SVOP: variants seen among roughly 807,000 people sequenced by gnomAD.
SVOP encodes SV2 related protein.
Under a neutral mutation model 69.1 loss-of-function variants are expected in SVOP, and 17 were observed. The ratio of observed to expected loss-of-function variants is 0.25; its 90% CI spans 0.17 to 0.37. The LOEUF is 0.37. SVOP is among the 10% of genes least tolerant of loss of function. The probability of loss-of-function intolerance (pLI) is 1.00; values close to 1 mark genes in which losing one functional copy is unlikely to be tolerated. For synonymous variants in SVOP, 238 were observed against 238.6 expected (o/e 1.00, Z 0.02); for missense variants, 435 against 597.5 (o/e 0.73, Z 2.84).
chr12:109,006,594 G>A (rs915769345), intron 1 of SVOP, among the ~76,000 whole-genome samples: 2 of 152,134 alleles, frequency 1.3e-5, no homozygotes, highest in African/African-American at 4.8e-5. Flanking sequence ...AATGGGCAAG[G>A]CAGAGGCTGC....
At chr12:108,994,705 A>C (rs1007207931) in intron 1 of SVOP, among the ~76,000 whole-genome samples, 11 of 152,246 alleles carry the variant, frequency 7.2e-5, no homozygotes, top group Admixed American at 5.9e-4. Context: ...ATCTGACTTC[A>C]GAGTCTCCAG....
At position 108,914,844 on chromosome 12, in the gene SVOP, C is replaced by G. The variant is rs575606115; in HGVS notation, c.1440+939G>C. Among the ~76,000 whole-genome samples the G allele has an allele frequency of 1.2e-4, 18 of 151,020 alleles. No individual in the cohort carries two copies. The East Asian group carries it at 3.4e-3, about 28-fold the overall frequency. On this transcript the variant is annotated intron_variant, in intron 15 of 15. Transcript: ENST00000610966. ...AAGGGCTGGGATTACAGGCGTGAGA[C>G]ACAGCACCTGACCCTTCTTTCCTTT...
intron 6 of SVOP, among the ~76,000 whole-genome samples, chr12:108,957,632 C>T (rs140975626): frequency 4.5e-4 from 68 of 152,354 alleles, no homozygotes; most frequent in Non-Finnish European, 7.2e-4. Flanking sequence ...TAGGGCCACC[C>T]AGGTGATATA....
At chr12:108,923,820 G>A (rs2039764567) in intron 11 of SVOP, among the ~76,000 whole-genome samples, 1 of 152,050 alleles carries the variant, frequency 6.6e-6, no homozygotes, top group Non-Finnish European at 1.5e-5. Context: ...AGAGGTGATG[G>A]AAACAAGATC....
intron 1 of SVOP, among the ~76,000 whole-genome samples, chr12:108,987,184 G>A (rs1376163424): frequency 6.6e-6 from 1 of 152,130 alleles, no homozygotes; most frequent in African/African-American, 2.4e-5. Context: ...TCAGATAAGT[G>A]AAATCATACA....
intron 1 of SVOP, among the ~76,000 whole-genome samples, chr12:109,001,804 C>T (rs2135621862): frequency 6.6e-6 from 1 of 152,024 alleles, no homozygotes; most frequent in African/African-American, 2.4e-5. Flanking sequence ...ATACAAAAAT[C>T]AATTCAAGAT....
At chr12:108,974,794 A>G (rs2040098119) in intron 4 of SVOP, among the ~76,000 whole-genome samples, 1 of 152,226 alleles carries the variant, frequency 6.6e-6, no homozygotes, top group Non-Finnish European at 1.5e-5. Flanking sequence ...GTTCCAAGAA[A>G]AAAGCAATGC....
intron 11 of SVOP, among the ~76,000 whole-genome samples, chr12:108,933,976 G>A (rs78613966): frequency 0.021 from 3,125 of 152,180 alleles, 116 homozygotes; most frequent in African/African-American, 0.07. Context: ...TTAACAGTGC[G>A]AACTTCAGAG....
chr12:109,016,146 A>T (rs530190743), intron 1 of SVOP, among the ~76,000 whole-genome samples: 4 of 152,224 alleles, frequency 2.6e-5, no homozygotes, highest in Non-Finnish European at 5.9e-5. Flanking sequence ...CCCAGCGATT[A>T]TCTCTCTGAT....
intron 10 of SVOP, among the ~76,000 whole-genome samples, chr12:108,936,264 C>T (rs1052302458): frequency 6.6e-6 from 1 of 152,128 alleles, no homozygotes; most frequent in African/African-American, 2.4e-5. Flanking sequence ...AGGCTGATCT[C>T]GAACTCCTGA....
chr12:109,015,593 CTT>C (rs2040363609), intron 1 of SVOP, among the ~76,000 whole-genome samples: 1 of 151,982 alleles, frequency 6.6e-6, no homozygotes, highest in Non-Finnish European at 1.5e-5. Context: ...GGGAGGGTCA[CTT>C]GGAGCCAGGT....
chr12:108,926,510 A>G (rs2039781018), intron 11 of SVOP: 1 of 152,132 alleles, frequency 6.6e-6, no homozygotes, highest in Non-Finnish European at 1.5e-5. Context: ...GTATTGTTCT[A>G]ATTTTAGTAT....
In SVOP at chr12:108,937,426, C is replaced by T. The variant is rs1202790876; in HGVS notation, c.898-89G>A. On this transcript the variant is annotated intron_variant, in intron 9 of 15. Coordinates refer to ENST00000610966, the MANE Select transcript of SVOP (RefSeq NM_018711.5). ...TGGCCTGAGACTAGTGCACACCAGG[C>T]TGGGAGGAAGGTTTCTAGTAAGTAG... 3.1e-6 allele frequency: 4 copies of T among 1,294,822 alleles called. No individual in the cohort carries two copies. In the African/African-American group the frequency reaches 5.8e-5, roughly 19 times the overall value. The allele number at this position is 1,294,822 out of a possible 1,614,324, so 80.2% of individuals were successfully genotyped here.
chr12:108,930,401 T>A (rs1431724974), intron 11 of SVOP, among the ~76,000 whole-genome samples: 1 of 151,564 alleles, frequency 6.6e-6, no homozygotes, highest in East Asian at 1.9e-4. Context: ...GCTCAGTGTT[T>A]GCCTTATTTG....
intron 2 of SVOP, among the ~76,000 whole-genome samples, chr12:108,979,697 GAAGT>G (rs1342201311): frequency 4.8e-4 from 73 of 152,246 alleles, no homozygotes; most frequent in African/African-American, 1.5e-3. Context: ...CCAAGCAGGG[GAAGT>G]AAGACTGAGT....
At chr12:108,990,426 G>C (rs927891530) in intron 1 of SVOP, among the ~76,000 whole-genome samples, 1 of 150,134 alleles carries the variant, frequency 6.7e-6, no homozygotes, top group Non-Finnish European at 1.5e-5. Flanking sequence ...ACCAAACACC[G>C]CATGTTCTCA....
At chr12:108,996,426 C>T (rs1412639224) in intron 1 of SVOP, among the ~76,000 whole-genome samples, 1 of 152,062 alleles carries the variant, frequency 6.6e-6, no homozygotes, top group Admixed American at 6.5e-5. Flanking sequence ...TGCATGGTGA[C>T]TCATGCATGT....
chr12:108,958,760 C>A (rs1031095622), intron 6 of SVOP, among the ~76,000 whole-genome samples: 1 of 152,072 alleles, frequency 6.6e-6, no homozygotes, highest in Non-Finnish European at 1.5e-5. Flanking sequence ...AGCTGCCTTG[C>A]CTAAGATCAT....
At chr12:108,997,233 G>A (rs1208253987) in intron 1 of SVOP, among the ~76,000 whole-genome samples, 1 of 152,120 alleles carries the variant, frequency 6.6e-6, no homozygotes, top group Non-Finnish European at 1.5e-5. Context: ...ACTCCCACCC[G>A]AATATTGCGC....
Sources: gnomAD v4.1 joint callset for allele counts (sites outside exome capture counted in the v4.1 genomes callset) on GRCh38, gnomAD v4.1.1 for gene constraint, MANE v1.5 for transcripts, NCBI Gene and HGNC (gene_info 2026-07-23, HGNC 2026-07-21) for gene names.